Variants in ZNF254 observed in about 807,000 individuals in gnomAD.
ZNF254 encodes CTD-2017D11.1.
ZNF254 carries 10 observed loss-of-function variants against 12.4 expected under a neutral mutation model. That is an observed-to-expected ratio of 0.80 (90% confidence interval 0.50 to 1.36). The LOEUF (loss-of-function observed/expected upper bound fraction) is 1.36. Among genes scored for constraint, ZNF254 ranks in the 40% most tolerant of loss-of-function variants. The pLI is 0.00. For synonymous variants in ZNF254, 305 were observed against 253.4 expected (o/e 1.20, Z -1.93); for missense variants, 996 against 763.9 (o/e 1.30, Z -3.58).
chr19:24,072,070 G>A (rs573058412), intron 2 of ZNF254, among the ~76,000 whole-genome samples: 143 of 152,132 alleles, frequency 9.4e-4, no homozygotes, highest in African/African-American at 3.3e-3. Context: ...CCTAAGTGAT[G>A]TAACTGTCCT....
intron 3 of ZNF254, among the ~76,000 whole-genome samples, chr19:24,124,844 G>A (rs1974722051): frequency 6.6e-6 from 1 of 151,618 alleles, no homozygotes; most frequent in South Asian, 2.1e-4. Context: ...TGTGACCTGA[G>A]CTCACTGCAA....
At chr19:24,065,938 T>C (rs1218541516) in intron 2 of ZNF254, 1 of 152,226 alleles carries the variant, frequency 6.6e-6, no homozygotes, top group African/African-American at 2.4e-5. Flanking sequence ...AATGTTACTC[T>C]CTTCTCCTGC....
At chr19:24,035,794 T>C (rs1969944076) in intron 1 of ZNF254, among the ~76,000 whole-genome samples, 1 of 152,172 alleles carries the variant, frequency 6.6e-6, no homozygotes, top group South Asian at 2.1e-4. Context: ...TGAAGACGAA[T>C]GTATTAATTG....
intron 3 of ZNF254, among the ~76,000 whole-genome samples, chr19:24,125,342 T>G (rs551585628): frequency 6.6e-6 from 1 of 151,976 alleles, no homozygotes; most frequent in African/African-American, 2.4e-5. Context: ...TGATTTTCCA[T>G]AGTTGTTTCT....
intron 3 of ZNF254, among the ~76,000 whole-genome samples, chr19:24,116,423 C>T (rs1026633237): frequency 4.6e-5 from 7 of 151,904 alleles, no homozygotes; most frequent in African/African-American, 1.7e-4. Context: ...CTAAACTTCC[C>T]TTCTCGCTTC....
At chr19:24,087,380 G>C (rs1158323464) in intron 1 of ZNF254, 43 bp downstream of exon 1, 1 of 1,612,258 alleles carries the variant, frequency 6.2e-7, no homozygotes, top group Non-Finnish European at 8.5e-7. Context: ...GGAGGGGGCT[G>C]GTTGGAACTG....
chr19:24,127,810 T>A lies in ZNF254; in HGVS notation c.1810T>A (p.Cys604Ser), dbSNP rs755082600. ...TCATACTGGAGTAAAACCCTACAAA[T>A]GTGAAGAATGTGGCAAAGCATTTTT... ...VIHTGVKPYKCEECGKAFFWS... is the reference protein window; with the variant it reads ...VIHTGVKPYKSEECGKAFFWS... Residue 604 changes from cysteine (C) to serine (S), a missense_variant, in exon 4 of 4, where the codon TGT becomes AGT. Physicochemically the swap from Cys to Ser is moderately radical, Grantham distance 112. Coordinates refer to ENST00000357002, the MANE Select transcript of ZNF254 (RefSeq NM_203282.4). 1 of 1,613,114 alleles carries A rather than the reference T, an allele frequency of 6.2e-7. No individual in the cohort carries two copies.
chr19:24,100,073 G>A (rs529020201), intron 1 of ZNF254, among the ~76,000 whole-genome samples: 27 of 152,262 alleles, frequency 1.8e-4, no homozygotes, highest in African/African-American at 6.0e-4. Context: ...TCTATTTGGT[G>A]TCTATAGTCC....
Position 24,111,234 on chromosome 19 carries a change from AG to A in ZNF254, c.253+4592del, listed in dbSNP as rs528850893. On this transcript the variant is annotated intron_variant, in intron 3 of 3. Transcript: ENST00000357002. ...TTTTTGTTCTTGCGATAGTTTACTA[AG>A]AATGATGATTTCCAGTTTCATCCAT... is the stretch of plus-strand genomic sequence containing the variant. Among the ~76,000 whole-genome samples, 735 of 152,112 alleles carry A rather than the reference AG, an allele frequency of 4.8e-3. 5 individuals carry two copies. Among genetic ancestry groups the A allele is most frequent in the African/African-American group, 0.016 (683 of 41,492 alleles).
At chr19:24,123,812 A>G (rs921024907) in intron 3 of ZNF254, among the ~76,000 whole-genome samples, 4 of 152,048 alleles carry the variant, frequency 2.6e-5, no homozygotes, top group African/African-American at 9.7e-5. Context: ...TCATTTGATT[A>G]ATATTTGCAT....
At chr19:24,064,183 A>G (rs901631809) in intron 2 of ZNF254, among the ~76,000 whole-genome samples, 1 of 151,984 alleles carries the variant, frequency 6.6e-6, no homozygotes, top group African/African-American at 2.4e-5. Context: ...CTCCTATGTG[A>G]TGTGACTCTT....
At chr19:24,125,427 CT>C (rs1278371263) in intron 3 of ZNF254, among the ~76,000 whole-genome samples, 1 of 150,672 alleles carries the variant, frequency 6.6e-6, no homozygotes, top group African/African-American at 2.4e-5. Flanking sequence ...TTTATGATTT[CT>C]TTCAGAAAAT....
At chr19:24,044,627 G>A (rs1277754402) in intron 1 of ZNF254, among the ~76,000 whole-genome samples, 1 of 151,452 alleles carries the variant, frequency 6.6e-6, no homozygotes, top group Non-Finnish European at 1.5e-5. Flanking sequence ...TTTTATATGT[G>A]CATATTTATG....
intron 2 of ZNF254, among the ~76,000 whole-genome samples, chr19:24,052,151 A>C (rs956403557): frequency 5.9e-5 from 9 of 152,212 alleles, no homozygotes; most frequent in Non-Finnish European, 1.2e-4. Flanking sequence ...CCAAGCAGGG[A>C]TTGTGATGTG....
At chr19:24,077,030 C>T (rs1336545249) in intron 2 of ZNF254, among the ~76,000 whole-genome samples, 1 of 152,192 alleles carries the variant, frequency 6.6e-6, no homozygotes, top group Non-Finnish European at 1.5e-5. Flanking sequence ...CTCTGAGGCT[C>T]ACCTGAGACA....
At chr19:24,076,333 T>C (rs919877577) in intron 2 of ZNF254, among the ~76,000 whole-genome samples, 3 of 152,242 alleles carry the variant, frequency 2.0e-5, no homozygotes, top group Non-Finnish European at 2.9e-5. Flanking sequence ...ACAATTTATA[T>C]TCTGCTGCGG....
At chr19:24,043,945 A>G (rs1197954206) in intron 1 of ZNF254, among the ~76,000 whole-genome samples, 1 of 152,200 alleles carries the variant, frequency 6.6e-6, no homozygotes, top group Non-Finnish European at 1.5e-5. Flanking sequence ...AAATAGGGGT[A>G]AAACGCAAAG....
At chr19:24,087,491 C>T (rs1373900530) in intron 1 of ZNF254, among the ~76,000 whole-genome samples, 154 bp downstream of exon 1, 21 of 152,198 alleles carry the variant, frequency 1.4e-4, no homozygotes, top group Admixed American at 1.4e-3. Flanking sequence ...ATGGCGGCTG[C>T]GCTGACAGCC....
intron 2 of ZNF254, among the ~76,000 whole-genome samples, chr19:24,070,315 T>C (rs1472185052): frequency 6.6e-6 from 1 of 152,208 alleles, no homozygotes; most frequent in Non-Finnish European, 1.5e-5. Flanking sequence ...AGCACACAGG[T>C]GACATTGTGA....
Sources: allele counts gnomAD v4.1 joint callset (sites outside exome capture counted in the v4.1 genomes callset), GRCh38; gene constraint gnomAD v4.1.1; transcripts MANE v1.5; gene names NCBI Gene and HGNC (gene_info 2026-07-23, HGNC 2026-07-21).